The following PIR variants were observed in gnomAD, a reference collection of about 807,000 sequenced individuals.
The protein encoded by PIR is pirin, also known as pirin (iron-binding nuclear protein).
In PIR, 22 loss-of-function variants were observed where a neutral mutation model predicts 24.2. That is an observed-to-expected ratio of 0.91 (90% CI 0.65 to 1.30). The LOEUF is 1.30. Among genes scored for constraint, PIR ranks in the 50% most tolerant of loss-of-function variants. PIR has a pLI of 0.00. For missense variants in PIR, 220 were observed against 220.3 expected (o/e 1.00, Z 0.01); for synonymous variants, 80 against 79.6 (o/e 1.00, Z -0.03).
chrX:15,462,162 T>C (rs1010783827), intron 3 of PIR, among the ~76,000 whole-genome samples: 1 of 112,283 alleles, frequency 8.9e-6, no homozygotes, highest in Non-Finnish European at 1.9e-5. Context: ...ATCAAGCAAC[T>C]CTAAACTTCT....
intron 6 of PIR, among the ~76,000 whole-genome samples, chrX:15,409,653 T>G (rs1401584184): frequency 9.0e-6 from 1 of 111,502 alleles, no homozygotes; most frequent in African/African-American, 3.3e-5. Flanking sequence ...TGCTGAGCTT[T>G]TCTACTTCTA....
rs750678418 is a variant in PIR at position 15,442,307 on chromosome X, G to A, written c.480+13541C>T. Among the ~76,000 whole-genome samples, 18 of 110,848 alleles carry A rather than the reference G, an allele frequency of 1.6e-4. 1 individual carries two copies. In the South Asian group the frequency reaches 4.6e-3, roughly 29 times the overall value. On this transcript the variant is annotated intron_variant, in intron 5 of 9. Transcript: ENST00000380420. The stretch of plus-strand genomic sequence containing the variant: ...AAACTGTGCCGACATAAGACACATC[G>A]AACTTAACTGATAAATGTGTGTTCT...
chrX:15,433,634 G>C (rs1393969051), intron 5 of PIR, among the ~76,000 whole-genome samples: 1 of 98,583 alleles, frequency 1.0e-5, no homozygotes, highest in South Asian at 5.3e-4. Flanking sequence ...GGAGAAAGGA[G>C]AAAGAAGGAG....
chrX:15,472,322 T>C (rs1057461300), intron 3 of PIR, among the ~76,000 whole-genome samples: 1 of 112,132 alleles, frequency 8.9e-6, no homozygotes, highest in African/African-American at 3.2e-5. Context: ...TAACCTTCCC[T>C]AGAGGTCACA....
In PIR at chrX:15,425,661, C is replaced by T. The variant is rs777835505; in HGVS notation, c.565+245G>A. Among the ~76,000 whole-genome samples, 40 of 111,576 alleles carry T rather than the reference C, an allele frequency of 3.6e-4. 1 individual carries two copies. In the East Asian group the frequency reaches 8.8e-3, roughly 24 times the overall value. On this transcript the variant is annotated intron_variant, in intron 6 of 9. Transcript: ENST00000380420. ...TCCTGACCTCGTGATCCACCCGCCTCGACTTCCCAAAGTGGTGGGATTACT... is the reference window on the plus strand; with the variant it reads ...TCCTGACCTCGTGATCCACCCGCCTTGACTTCCCAAAGTGGTGGGATTACT...
intron 9 of PIR, among the ~76,000 whole-genome samples, chrX:15,385,407 G>A (rs914887627): frequency 1.8e-5 from 2 of 112,046 alleles, no homozygotes; most frequent in East Asian, 5.6e-4. Context: ...ATTAAAAAGA[G>A]TCTTAGATTT....
chrX:15,470,106 T>C (rs1032440666), intron 3 of PIR, among the ~76,000 whole-genome samples: 3 of 110,356 alleles, frequency 2.7e-5, no homozygotes, highest in East Asian at 5.7e-4. Context: ...CAAAAAAGAG[T>C]GGACAAATGT....
intron 5 of PIR, among the ~76,000 whole-genome samples, chrX:15,438,435 C>T (rs773339921): frequency 3.6e-5 from 4 of 112,278 alleles, no homozygotes; most frequent in Non-Finnish European, 7.5e-5. Context: ...GGTGAAGGAC[C>T]TATGTGAGCA....
intron 2 of PIR, among the ~76,000 whole-genome samples, chrX:15,484,964 G>A (rs961125222): frequency 8.9e-6 from 1 of 111,880 alleles, no homozygotes; most frequent in African/African-American, 3.2e-5. Flanking sequence ...TTAAAGATTT[G>A]GGAAATTTTC....
intron 6 of PIR, among the ~76,000 whole-genome samples, chrX:15,409,309 G>A (rs1379065391): frequency 9.4e-6 from 1 of 106,828 alleles, no homozygotes; most frequent in African/African-American, 3.5e-5. Flanking sequence ...ATGTTAGCCA[G>A]GATGGTCTCG....
At chrX:15,419,461 CTA>C (rs1358163647) in intron 6 of PIR, among the ~76,000 whole-genome samples, 1 of 108,993 alleles carries the variant, frequency 9.2e-6, no homozygotes. Flanking sequence ...AGAGAGAACA[CTA>C]TAACTAAAAG....
At position 15,407,564 on chromosome X, in the gene PIR, G is replaced by T; in HGVS notation, c.566-14C>A. ...AGCTTGTCCACCCTGGAAAGGACCA[G>T]CAACATTAACATGTTAGTGTCCATA... On this transcript the variant is annotated splice_polypyrimidine_tract_variant and intron_variant, in intron 6 of 9. Coordinates refer to ENST00000380420, the MANE Select transcript of PIR (RefSeq NM_001018109.3). 8.6e-7 allele frequency: 1 copy of T among 1,164,264 alleles called. No individual in the cohort carries two copies.
At chrX:15,401,965 ATTG>A (rs1924402629) in intron 7 of PIR, among the ~76,000 whole-genome samples, 1 of 112,417 alleles carries the variant, frequency 8.9e-6, no homozygotes, top group African/African-American at 3.2e-5. Context: ...TGCAATTGAG[ATTG>A]TTAATTGAAA....
chrX:15,427,860 CATAT>C (rs59887338), intron 5 of PIR, among the ~76,000 whole-genome samples: 1 of 107,953 alleles, frequency 9.3e-6, no homozygotes, highest in African/African-American at 3.4e-5. Flanking sequence ...TGTATGTATA[CATAT>C]ATATATATAT....
intron 1 of PIR, among the ~76,000 whole-genome samples, chrX:15,492,628 C>A (rs967268652): frequency 8.9e-6 from 1 of 111,956 alleles, no homozygotes; most frequent in Non-Finnish European, 1.9e-5. Flanking sequence ...CACCACATAT[C>A]AGCTGTGTGA....
intron 3 of PIR, among the ~76,000 whole-genome samples, chrX:15,460,066 C>T (rs1205199540): frequency 9.0e-6 from 1 of 111,649 alleles, no homozygotes; most frequent in Admixed American, 9.5e-5. Context: ...TCTGTTAGGA[C>T]AGCTACTAGC....
intron 5 of PIR, among the ~76,000 whole-genome samples, chrX:15,443,903 T>C (rs1307663721): frequency 8.9e-6 from 1 of 112,273 alleles, no homozygotes; most frequent in African/African-American, 3.2e-5. Flanking sequence ...CAAAACTTCA[T>C]TAGATGAGGA....
intron 6 of PIR, among the ~76,000 whole-genome samples, chrX:15,413,663 C>T (rs1431125082): frequency 8.9e-6 from 1 of 112,111 alleles, no homozygotes; most frequent in Non-Finnish European, 1.9e-5. Context: ...GTGAGAATTC[C>T]ATTGGAAAAA....
intron 5 of PIR, among the ~76,000 whole-genome samples, chrX:15,430,598 CCAAGA>C (rs1330230335): frequency 5.4e-5 from 6 of 111,433 alleles, no homozygotes; most frequent in African/African-American, 2.0e-4. Flanking sequence ...CACAAAACAA[CCAAGA>C]CAAAACAAGG....
Sources: gnomAD v4.1 joint callset for allele counts (sites outside exome capture counted in the v4.1 genomes callset) on GRCh38, gnomAD v4.1.1 for gene constraint, MANE v1.5 for transcripts, NCBI Gene and HGNC (gene_info 2026-07-23, HGNC 2026-07-21) for gene names.